Variants in ZBED6 observed in about 807,000 individuals in gnomAD.
ZBED6 encodes zinc finger BED-type containing 6.
A neutral mutation model predicts 58.4 loss-of-function variants in ZBED6; 40 were observed. That is an observed-to-expected ratio of 0.68 (90% confidence interval 0.53 to 0.89). The LOEUF (loss-of-function observed/expected upper bound fraction) is 0.89. ZBED6 is among the 40% of genes least tolerant of loss of function. ZBED6 has a pLI of 0.00. For synonymous variants in ZBED6, 439 were observed against 350.6 expected, an observed-to-expected ratio of 1.25 and a Z score of -2.82; for missense variants, 1,057 against 1,003.9, an observed-to-expected ratio of 1.05 and a Z score of -0.71.
At chr1:203,824,920 C>CA (rs1342233845) in intron 3 of ZBED6, among the ~76,000 whole-genome samples, 3 of 151,258 alleles carry the variant, frequency 2.0e-5, no homozygotes, top group Admixed American at 1.3e-4. Flanking sequence ...ACTAAAAATA[C>CA]AAAAAAATTA....
At chr1:203,830,532 G>C (rs1191221250) in intron 7 of ZBED6, among the ~76,000 whole-genome samples, 3 of 152,186 alleles carry the variant, frequency 2.0e-5, no homozygotes, top group African/African-American at 4.8e-5. Flanking sequence ...GAGAGGAAAG[G>C]CTGGGCGTGG....
At chr1:203,844,793 T>A (rs1687438484) in intron 11 of ZBED6, among the ~76,000 whole-genome samples, 1 of 152,070 alleles carries the variant, frequency 6.6e-6, no homozygotes, top group Non-Finnish European at 1.5e-5. Flanking sequence ...GGAAACAACT[T>A]CTTTCCTTTT....
chr1:203,821,123 C>G (rs1275619387), intron 3 of ZBED6, among the ~76,000 whole-genome samples: 1 of 152,054 alleles, frequency 6.6e-6, no homozygotes, highest in Non-Finnish European at 1.5e-5. Context: ...CGGTTTCCCC[C>G]ACGCTATTCT....
chr1:203,839,340 C>T (rs186130465), intron 10 of ZBED6, among the ~76,000 whole-genome samples: 23 of 152,318 alleles, frequency 1.5e-4, no homozygotes, highest in Non-Finnish European at 2.4e-4. Flanking sequence ...TTGCGCCCCT[C>T]AGGGAATTAG....
Position 203,850,700 on chromosome 1 carries a change from TTG to T in ZBED6, c.*4805+22_*4805+23del. 1 of 1,608,804 alleles carries T rather than the reference TTG, an allele frequency of 6.2e-7. No individual in the cohort carries two copies. Among genetic ancestry groups the T allele is most frequent in the East Asian group, 2.2e-5 (1 of 44,680 alleles). On this transcript the variant is annotated intron_variant, in intron 15 of 16. Transcript: ENST00000550078. ...AGCTGTGGTAAGAAGTATATTCACT[TTG>T]TGGTGCTTTATTCTGTGTGGTAGGA...
chr1:203,833,537 C>T (rs1190036385), intron 8 of ZBED6, among the ~76,000 whole-genome samples: 6 of 149,252 alleles, frequency 4.0e-5, no homozygotes, highest in Non-Finnish European at 8.9e-5. Flanking sequence ...TTATTATTAT[C>T]AAAATAATAA....
At chr1:203,796,695 C>G (rs761400145) in exon 1 of ZBED6, 10 of 368,624 alleles carry the variant, frequency 2.7e-5, no homozygotes, top group Non-Finnish European at 4.3e-5. Flanking sequence ...ATCTCTATAG[C>G]GTACAACTTG....
chr1:203,806,246 C>G (rs1329658764), intron 1 of ZBED6: 23 of 349,026 alleles, frequency 6.6e-5, no homozygotes, highest in South Asian at 2.4e-4. Flanking sequence ...ATTTCACTTT[C>G]CTGAAGAATC....
intron 2 of ZBED6, among the ~76,000 whole-genome samples, chr1:203,818,138 A>C (rs1401239365): frequency 1.3e-5 from 2 of 152,080 alleles, no homozygotes; most frequent in African/African-American, 4.8e-5. Flanking sequence ...TTTATTTCAG[A>C]TATTACCGTT....
Position 203,797,490 on chromosome 1 carries a change from G to T in ZBED6, c.-33G>T, listed in dbSNP as rs946166. 4.5e-3 allele frequency: 6,634 copies of T among 1,459,148 alleles called. 169 individuals carry two copies. In the African/African-American group the frequency reaches 0.062, roughly 14 times the overall value. The allele number at this position is 1,459,148 out of a possible 1,614,324, so 90.4% of individuals were successfully genotyped here. A position where few individuals can be genotyped will look rare whatever the true frequency, so the allele number is the denominator to read the frequency against. On this transcript the variant is annotated 5_prime_UTR_variant, in exon 1 of 17. Coordinates refer to ENST00000550078, the Ensembl canonical transcript of ZBED6. ...TGCTTGAGTAATAAACCCACTAACAGATTCTGGTACGAATTGTGGAGACAT... is the reference window on the plus strand; with the variant it reads ...TGCTTGAGTAATAAACCCACTAACATATTCTGGTACGAATTGTGGAGACAT...
chr1:203,816,316 A>G (rs1232526599), intron 1 of ZBED6, among the ~76,000 whole-genome samples: 1 of 152,174 alleles, frequency 6.6e-6, no homozygotes, highest in African/African-American at 2.4e-5. Flanking sequence ...ATACATACAT[A>G]TATACATATA....
At chr1:203,846,871 GT>G (rs1043408095) in intron 11 of ZBED6, among the ~76,000 whole-genome samples, 23 of 152,224 alleles carry the variant, frequency 1.5e-4, no homozygotes, top group African/African-American at 5.3e-4. Flanking sequence ...GGGCTTGGTG[GT>G]GGGTACCTGT....
chr1:203,828,667 A>G (rs1001194916), intron 4 of ZBED6, among the ~76,000 whole-genome samples: 1 of 152,178 alleles, frequency 6.6e-6, no homozygotes, highest in Non-Finnish European at 1.5e-5. Context: ...TTCTTATCAG[A>G]CCCATAAACG....
chr1:203,802,073 T>A (rs1336072703), exon 1 of ZBED6: 2 of 152,612 alleles, frequency 1.3e-5, no homozygotes, highest in Non-Finnish European at 2.9e-5. Context: ...GCTTTCTGTG[T>A]TTTGACAGTG....
intron 2 of ZBED6, 83 bp from the exon 3 acceptor site, chr1:203,818,486 TA>T: frequency 3.2e-6 from 5 of 1,581,586 alleles, no homozygotes; most frequent in Non-Finnish European, 4.3e-6. Flanking sequence ...TGTGCTTGTC[TA>T]AATTCCAGGA....
intron 9 of ZBED6, among the ~76,000 whole-genome samples, chr1:203,836,444 T>C (rs1042582114): frequency 3.3e-5 from 5 of 152,140 alleles, no homozygotes; most frequent in African/African-American, 1.2e-4. Flanking sequence ...ACAACTTGTA[T>C]TGAACAGTGT....
exon 17 of ZBED6, chr1:203,853,161 G>A (rs1395949401): frequency 6.6e-6 from 1 of 151,682 alleles, no homozygotes; most frequent in East Asian, 2.0e-4. Flanking sequence ...TTCTTTTTTA[G>A]TATGAAAATT....
chr1:203,818,965 AG>A (rs1394356342), intron 3 of ZBED6, among the ~76,000 whole-genome samples: 1 of 151,414 alleles, frequency 6.6e-6, no homozygotes, highest in Non-Finnish European at 1.5e-5. Flanking sequence ...GCTACTCGGG[AG>A]GCTGAGGCAG....
At chr1:203,807,853 T>C (rs1210837478) in intron 1 of ZBED6, among the ~76,000 whole-genome samples, 1 of 152,072 alleles carries the variant, frequency 6.6e-6, no homozygotes, top group Non-Finnish European at 1.5e-5. Context: ...GCAATCCTTC[T>C]GCCTCAGCGT....
Sources: allele counts gnomAD v4.1 joint callset (sites outside exome capture counted in the v4.1 genomes callset), GRCh38; gene constraint gnomAD v4.1.1; transcripts MANE v1.5; gene names NCBI Gene and HGNC (gene_info 2026-07-23, HGNC 2026-07-21).